Variants in CD200 observed in about 807,000 individuals in gnomAD.
The protein encoded by CD200 is OX-2 membrane glycoprotein.
CD200 carries 15 observed loss-of-function variants against 30.9 expected under a neutral mutation model. That is an observed-to-expected ratio of 0.49 (90% CI 0.32 to 0.75). The LOEUF is 0.75. CD200 is among the 30% of genes least tolerant of loss of function. The probability of loss-of-function intolerance (pLI) is 0.03; values close to 1 mark genes in which losing one functional copy is unlikely to be tolerated. For synonymous variants in CD200, 134 were observed against 126.2 expected (o/e 1.06, Z -0.41); for missense variants, 262 against 324.2 (o/e 0.81, Z 1.47).
At chr3:112,337,131 T>A (rs1315118585) in intron 1 of CD200, among the ~76,000 whole-genome samples, 1 of 152,008 alleles carries the variant, frequency 6.6e-6, no homozygotes, top group African/African-American at 2.4e-5. Context: ...TGGGAAGTAG[T>A]CATTTTCTCT....
At chr3:112,349,353 G>A (rs2081483898) in intron 4 of CD200, among the ~76,000 whole-genome samples, 1 of 152,158 alleles carries the variant, frequency 6.6e-6, no homozygotes, top group Admixed American at 6.5e-5. Flanking sequence ...CAAAGAATAT[G>A]TGCTTTAGAG....
At chr3:112,342,350 T>TTCCTTCC (rs2081274010) in intron 2 of CD200, among the ~76,000 whole-genome samples, 2 of 12,422 alleles carry the variant, frequency 1.6e-4, no homozygotes, top group African/African-American at 5.9e-4. Context: ...TCTTTCTTTC[T>TTCCTTCC]TTCTTTCTTT....
intron 1 of CD200, 63 bp downstream of exon 1, chr3:112,333,287 GGGGCGGGC>G: frequency 6.6e-7 from 1 of 1,519,050 alleles, no homozygotes; most frequent in Admixed American, 2.1e-5. Flanking sequence ...CGGTGGCCCT[GGGGCGGGC>G]GGCGAGTGGA....
intron 2 of CD200, among the ~76,000 whole-genome samples, chr3:112,342,789 A>T (rs1253013491): frequency 6.6e-6 from 1 of 152,120 alleles, no homozygotes; most frequent in Non-Finnish European, 1.5e-5. Flanking sequence ...ATAATAATTT[A>T]TGATTTTTTC....
intron 5 of CD200, among the ~76,000 whole-genome samples, chr3:112,359,734 G>A (rs1289257476): frequency 6.6e-6 from 1 of 152,200 alleles, no homozygotes; most frequent in Non-Finnish European, 1.5e-5. Flanking sequence ...TTTTAATGGA[G>A]ATGACAGGTT....
At chr3:112,355,010 G>C (rs1191067961) in intron 5 of CD200, among the ~76,000 whole-genome samples, 1 of 151,976 alleles carries the variant, frequency 6.6e-6, no homozygotes, top group Admixed American at 6.6e-5. Flanking sequence ...TCCATCTCAG[G>C]GTCCTTAATT....
chr3:112,348,725 T>C (rs1175085552), intron 4 of CD200, among the ~76,000 whole-genome samples: 1 of 152,194 alleles, frequency 6.6e-6, no homozygotes, highest in Non-Finnish European at 1.5e-5. Flanking sequence ...TTGGAGTCCC[T>C]GAAAACCCAG....
At chr3:112,347,172 C>T (rs2081416052) in intron 3 of CD200, among the ~76,000 whole-genome samples, 1 of 152,172 alleles carries the variant, frequency 6.6e-6, no homozygotes, top group Admixed American at 6.5e-5. Context: ...TGGTTATTGT[C>T]AAGCCATTTA....
intron 5 of CD200, among the ~76,000 whole-genome samples, chr3:112,360,187 G>C (rs931964303): frequency 6.6e-6 from 1 of 152,128 alleles, no homozygotes; most frequent in Non-Finnish European, 1.5e-5. Context: ...AATTAGCCGG[G>C]CATAGTGGCA....
intron 5 of CD200, among the ~76,000 whole-genome samples, chr3:112,352,951 A>G (rs1468657968): frequency 6.6e-6 from 1 of 152,216 alleles, no homozygotes; most frequent in Non-Finnish European, 1.5e-5. Context: ...GAATTATCAC[A>G]GTTACTTCCC....
At chr3:112,360,333 A>AAAAAAAAAATAT (rs879786648) in intron 5 of CD200, among the ~76,000 whole-genome samples, 8 of 141,286 alleles carry the variant, frequency 5.7e-5, no homozygotes, top group African/African-American at 2.0e-4. Flanking sequence ...ATCTAAAAAA[A>AAAAAAAAAATAT]ATATATATAT....
At chr3:112,349,070 G>A (rs1392946171) in intron 4 of CD200, among the ~76,000 whole-genome samples, 1 of 152,154 alleles carries the variant, frequency 6.6e-6, no homozygotes, top group East Asian at 1.9e-4. Flanking sequence ...AAATAATGAT[G>A]TGACGAATCC....
chr3:112,344,200 G>A (rs1297688903), intron 2 of CD200, among the ~76,000 whole-genome samples: 1 of 151,998 alleles, frequency 6.6e-6, no homozygotes, highest in East Asian at 1.9e-4. Flanking sequence ...ATGAGTTATT[G>A]GGTTTGTAAA....
intron 4 of CD200, 135 bp downstream of exon 4, chr3:112,347,965 C>G (rs1171719283): frequency 1.3e-6 from 1 of 751,540 alleles, no homozygotes; most frequent in East Asian, 2.7e-5. Context: ...AAGGAAAAAA[C>G]AAAACAAAAC....
chr3:112,348,249 T>G (rs572366632), intron 4 of CD200, among the ~76,000 whole-genome samples: 1 of 152,308 alleles, frequency 6.6e-6, no homozygotes, highest in East Asian at 1.9e-4. Flanking sequence ...GTGAGAAAGC[T>G]ATGATGCACC....
At chr3:112,334,452 C>A (rs568043776) in intron 1 of CD200, among the ~76,000 whole-genome samples, 1 of 152,260 alleles carries the variant, frequency 6.6e-6, no homozygotes, top group East Asian at 1.9e-4. Flanking sequence ...ATAACCTAGG[C>A]TCTATACTAA....
intron 5 of CD200, among the ~76,000 whole-genome samples, chr3:112,357,836 A>G (rs1369966071): frequency 6.6e-6 from 1 of 152,242 alleles, no homozygotes. Flanking sequence ...CCTATGGCAT[A>G]TTTCTAGTCA....
chr3:112,353,404 T>G (rs2081571620), intron 5 of CD200, among the ~76,000 whole-genome samples: 2 of 152,194 alleles, frequency 1.3e-5, no homozygotes, highest in South Asian at 4.2e-4. Flanking sequence ...AACTTCACTT[T>G]TTTTTCAAGT....
chr3:112,348,412 A>G (rs201173626), intron 4 of CD200, among the ~76,000 whole-genome samples: 1 of 152,340 alleles, frequency 6.6e-6, no homozygotes, highest in East Asian at 1.9e-4. Flanking sequence ...ATTTTAAAGC[A>G]AACTGCCTCC....
Sources: gnomAD v4.1 joint callset for allele counts (sites outside exome capture counted in the v4.1 genomes callset) on GRCh38, gnomAD v4.1.1 for gene constraint, MANE v1.5 for transcripts, NCBI Gene and HGNC (gene_info 2026-07-23, HGNC 2026-07-21) for gene names.